MAP2K1: variants seen among roughly 807,000 people sequenced by gnomAD.
MAP2K1 encodes the protein mitogen-activated protein kinase kinase 1.
In MAP2K1, 16 loss-of-function variants were observed where a neutral mutation model predicts 46.3. The ratio of observed to expected loss-of-function variants is 0.35; its 90% CI spans 0.23 to 0.52. MAP2K1 has a LOEUF of 0.52. Ranked by LOEUF, MAP2K1 falls within the 20% of genes least tolerant of loss-of-function variation. The pLI is 0.94. For missense variants in MAP2K1, 263 were observed against 497.1 expected, an observed-to-expected ratio of 0.53 and a Z score of 4.48; for synonymous variants, 183 against 185.6, an observed-to-expected ratio of 0.99 and a Z score of 0.11.
intron 4 of MAP2K1, among the ~76,000 whole-genome samples, chr15:66,444,163 G>A (rs371311394): frequency 2.6e-5 from 4 of 151,496 alleles, no homozygotes; most frequent in African/African-American, 4.9e-5. Flanking sequence ...GCTTGAACCC[G>A]GGAGGGGGTG....
chr15:66,488,360 G>C (rs117430527), intron 8 of MAP2K1, among the ~76,000 whole-genome samples: 1 of 152,204 alleles, frequency 6.6e-6, no homozygotes, highest in Admixed American at 6.5e-5. Context: ...AAGAGCACTA[G>C]GTTGGGCTTT....
intron 1 of MAP2K1, among the ~76,000 whole-genome samples, chr15:66,406,801 C>A (rs1007758867): frequency 6.6e-5 from 10 of 152,048 alleles, no homozygotes; most frequent in African/African-American, 2.4e-4. Context: ...GAGGCTGAGG[C>A]GGGCGGATCA....
At chr15:66,425,066 G>A (rs2093454273) in intron 1 of MAP2K1, among the ~76,000 whole-genome samples, 1 of 152,088 alleles carries the variant, frequency 6.6e-6, no homozygotes, top group Non-Finnish European at 1.5e-5. Flanking sequence ...AAAGTGCTGG[G>A]ATTACAGGCA....
In MAP2K1 at chr15:66,411,352, A is replaced by G. The variant is rs141131027; in HGVS notation, c.81-23675A>G. ...TGAAAGAGTTAAAGCTCCTCTCAGA[A>G]TAGCCCAGGCAGTTCCCAGGAAGTA... On this transcript the variant is annotated intron_variant, in intron 1 of 10. Transcript: ENST00000307102. Among the ~76,000 whole-genome samples the G allele has an allele frequency of 4.2e-3, 638 of 152,310 alleles. 3 individuals carry two copies. Among genetic ancestry groups the G allele is most frequent in the African/African-American group, 0.014 (595 of 41,562 alleles).
In MAP2K1 at chr15:66,488,979, T is replaced by C. The variant is rs1030400839; in HGVS notation, c.961-236T>C. The C allele has an allele frequency of 5.0e-6, 3 of 596,782 alleles. No individual in the cohort carries two copies. The Admixed American group carries it at 8.6e-5, about 17-fold the overall frequency. The allele number at this position is 596,782 out of a possible 1,614,324, so 37.0% of individuals were successfully genotyped here. On this transcript the variant is annotated intron_variant, in intron 8 of 10. Coordinates refer to ENST00000307102, the MANE Select transcript of MAP2K1 (RefSeq NM_002755.4). ...ACCCGACAAGTGAGTGGACTTGACT[T>C]GGTCCCAATTCTAAATGTGCTATTT...
At chr15:66,459,663 TG>T (rs1892267350) in intron 5 of MAP2K1, among the ~76,000 whole-genome samples, 1 of 151,820 alleles carries the variant, frequency 6.6e-6, no homozygotes, top group African/African-American at 2.4e-5. Context: ...TGGGGAGAGC[TG>T]GGAGTCTCCA....
At chr15:66,453,237 C>T (rs965708571) in intron 5 of MAP2K1, among the ~76,000 whole-genome samples, 1 of 152,238 alleles carries the variant, frequency 6.6e-6, no homozygotes, top group Non-Finnish European at 1.5e-5. Flanking sequence ...TTCCCTTCCG[C>T]CTAGTGCTGC....
intron 1 of MAP2K1, among the ~76,000 whole-genome samples, chr15:66,423,522 C>T (rs2093448851): frequency 1.3e-5 from 2 of 151,588 alleles, no homozygotes. Context: ...TCACTGCAAC[C>T]TCCCTCCCGG....
At chr15:66,441,353 C>T (rs1171907734) in intron 3 of MAP2K1, among the ~76,000 whole-genome samples, 1 of 152,150 alleles carries the variant, frequency 6.6e-6, no homozygotes, top group Non-Finnish European at 1.5e-5. Context: ...GCCCCCTGTC[C>T]TAGGCTGCAT....
intron 1 of MAP2K1, among the ~76,000 whole-genome samples, chr15:66,417,449 G>GT (rs2093427262): frequency 6.6e-6 from 1 of 152,104 alleles, no homozygotes; most frequent in Non-Finnish European, 1.5e-5. Flanking sequence ...GCACGTGCCT[G>GT]TAGTCCAGTT....
At chr15:66,485,719 C>T (rs1443899713) in intron 7 of MAP2K1, among the ~76,000 whole-genome samples, 1 of 152,182 alleles carries the variant, frequency 6.6e-6, no homozygotes, top group Admixed American at 6.5e-5. Context: ...GCTGGGACCA[C>T]AGTCACATGC....
intron 1 of MAP2K1, among the ~76,000 whole-genome samples, chr15:66,417,786 A>G (rs2093428023): frequency 6.6e-6 from 1 of 152,090 alleles, no homozygotes; most frequent in African/African-American, 2.4e-5. Context: ...CTGTTCTTGT[A>G]TATAAGGGGG....
At chr15:66,395,286 T>C (rs970631701) in intron 1 of MAP2K1, among the ~76,000 whole-genome samples, 5 of 152,228 alleles carry the variant, frequency 3.3e-5, no homozygotes, top group African/African-American at 9.6e-5. Flanking sequence ...AACAATATAT[T>C]GTAATGACAG....
chr15:66,481,904 TG>T, intron 6 of MAP2K1, 25 bp downstream of exon 6: 1 of 1,610,518 alleles, frequency 6.2e-7, no homozygotes, highest in Non-Finnish European at 8.5e-7. Context: ...TTCCATTGCT[TG>T]AGCTTCTTGT....
chr15:66,458,074 C>G (rs1338786641), intron 5 of MAP2K1, among the ~76,000 whole-genome samples: 1 of 152,022 alleles, frequency 6.6e-6, no homozygotes, highest in Non-Finnish European at 1.5e-5. Context: ...GATTATTTTT[C>G]CTGATCCTGG....
chr15:66,444,663 A>G lies in MAP2K1; in HGVS notation c.524A>G (p.Lys175Arg). 6.2e-7 allele frequency: 1 copy of G among 1,609,686 alleles called. No individual in the cohort carries two copies. ...ACATTCCCTTTCCTCTAGGTAATAA[A>G]AGGCCTGACATATCTGAGGGAGAAG... Reference protein sequence around the residue: ...ILGKVSIAVIKGLTYLREKHK... With the variant: ...ILGKVSIAVIRGLTYLREKHK... The change falls in exon 5 of 11, where the codon AAA (lysine) becomes AGA (arginine). Residue 175 changes from lysine (K) to arginine (R), a missense_variant. Physicochemically the swap from Lys to Arg is conservative, Grantham distance 26. This residue lies in a region of MAP2K1 where 103 missense variants were observed against 221.6 expected (regional missense o/e 0.46). Transcript: ENST00000307102.
intron 5 of MAP2K1, among the ~76,000 whole-genome samples, chr15:66,479,812 T>C (rs935775545): frequency 3.6e-4 from 55 of 152,288 alleles, no homozygotes; most frequent in South Asian, 2.3e-3. Context: ...TGGCCTGGAA[T>C]GGTGATTACC....
intron 4 of MAP2K1, 42 bp from the exon 5 acceptor site, chr15:66,444,614 A>G (rs767229187): frequency 1.5e-5 from 20 of 1,295,632 alleles, no homozygotes. Context: ...TATTTTTCTT[A>G]TCACCAGTAT....
intron 8 of MAP2K1, 138 bp from the exon 9 acceptor site, chr15:66,489,077 T>G: frequency 1.1e-5 from 8 of 731,992 alleles, no homozygotes; most frequent in African/African-American, 1.7e-5. Context: ...CTTGACTGGA[T>G]GAGAGTAGTA....
Sources: gnomAD v4.1 joint callset for allele counts (sites outside exome capture counted in the v4.1 genomes callset) on GRCh38, gnomAD v4.1.1 for gene constraint, gnomAD v4.1.1 regional missense constraint, MANE v1.5 for transcripts, NCBI Gene and HGNC (gene_info 2026-07-23, HGNC 2026-07-21) for gene names.